TJP1: variants seen among roughly 807,000 people sequenced by gnomAD.
TJP1 encodes tight junction protein ZO-1.
A neutral mutation model predicts 194.2 loss-of-function variants in TJP1; 43 were observed. That is an observed-to-expected ratio of 0.22 (90% CI 0.17 to 0.29). TJP1 has a LOEUF of 0.29. Ranked by LOEUF, TJP1 falls within the 10% of genes least tolerant of loss-of-function variation. The probability of loss-of-function intolerance (pLI) is 1.00; values close to 1 mark genes in which losing one functional copy is unlikely to be tolerated. For synonymous variants in TJP1, 801 were observed against 779.0 expected (o/e 1.03, Z -0.47); for missense variants, 1,971 against 2,185.7 (o/e 0.90, Z 1.96).
chr15:29,730,611 G>T, intron 15 of TJP1: 2 of 551,128 alleles, frequency 3.6e-6, no homozygotes, highest in East Asian at 8.4e-5. Flanking sequence ...AAAAAAAAGA[G>T]GAGCAGTGTG....
chr15:29,728,277 T>C, intron 15 of TJP1: 2 of 357,002 alleles, frequency 5.6e-6, no homozygotes, highest in Non-Finnish European at 1.0e-5. Context: ...ATGCACATTT[T>C]TTTCTTTTGC....
chr15:29,949,459 T>TACC (rs2055478054), intron 2 of TJP1, among the ~76,000 whole-genome samples: 1 of 31,086 alleles, frequency 3.2e-5, no homozygotes, highest in African/African-American at 1.0e-4. Flanking sequence ...TCACCACCAC[T>TACC]TCCACCACCA....
intron 15 of TJP1, chr15:29,731,079 C>CCTTTTTTTTTT (rs1472574240): frequency 3.7e-6 from 2 of 545,176 alleles, no homozygotes. Context: ...TTTTGTTTTA[C>CCTTTTTTTTTT]TTTTTTTTTT....
chr15:29,897,603 C>T (rs545226492), intron 2 of TJP1, among the ~76,000 whole-genome samples: 14 of 152,182 alleles, frequency 9.2e-5, no homozygotes, highest in Non-Finnish European at 1.3e-4. Flanking sequence ...CTGGAAAAGC[C>T]GCAAACACCT....
intron 2 of TJP1, among the ~76,000 whole-genome samples, chr15:29,933,343 AAG>A (rs2054780899): frequency 6.6e-6 from 1 of 152,222 alleles, no homozygotes; most frequent in Admixed American, 6.5e-5. Context: ...GGAAGAAAAT[AAG>A]AGTGAGGACA....
chr15:29,889,205 A>G (rs917954856), intron 2 of TJP1, among the ~76,000 whole-genome samples: 5 of 152,224 alleles, frequency 3.3e-5, no homozygotes, highest in African/African-American at 1.2e-4. Context: ...TAATGTTCTT[A>G]TCATCTGTAA....
In TJP1 at chr15:29,961,334, CTTTTT is replaced by C. The variant is rs5811594; in HGVS notation, c.174-4975_174-4971del. On this transcript the variant is annotated intron_variant, in intron 1 of 28. Coordinates refer to the TJP1 transcript ENST00000356107. ...CAATGAGGTTTTACTTTTCCTAATT[CTTTTT>C]TTTTTTTTTTTTTTTTTTTTGAGAC... Among the ~76,000 whole-genome samples the C allele has an allele frequency of 2.0e-3, 182 of 89,812 alleles. No homozygotes were observed. The Middle Eastern group carries it at 0.039, about 19-fold the overall frequency. The allele number at this position is 89,812 out of a possible 152,430, so 58.9% of individuals were successfully genotyped here. A position where few individuals can be genotyped will look rare whatever the true frequency, so the allele number is the denominator to read the frequency against.
At chr15:29,704,024 A>G (rs2041729307) in intron 27 of TJP1, 138 bp downstream of exon 27, 3 of 835,002 alleles carry the variant, frequency 3.6e-6, no homozygotes, top group Non-Finnish European at 5.3e-6. Flanking sequence ...ATAAATGTGA[A>G]AACACTGGTG....
chr15:29,854,815 CTTA>C (rs1261529341), intron 2 of TJP1, among the ~76,000 whole-genome samples: 1 of 151,972 alleles, frequency 6.6e-6, no homozygotes, highest in Non-Finnish European at 1.5e-5. Context: ...AAAATACTAG[CTTA>C]TGTAACCATG....
chr15:29,796,905 G>A (rs1410623296), intron 2 of TJP1, among the ~76,000 whole-genome samples: 1 of 151,608 alleles, frequency 6.6e-6, no homozygotes, highest in Non-Finnish European at 1.5e-5. Context: ...CAATTAAACG[G>A]ACAAAGTATA....
chr15:29,729,822 C>CA (rs762817418), intron 15 of TJP1, among the ~76,000 whole-genome samples: 11,895 of 81,972 alleles, frequency 0.15, 540 homozygotes, highest in Middle Eastern at 0.28. Context: ...GACTCTGTTT[C>CA]AAAAAAAAAA....
chr15:29,821,919 G>C (rs968617130), intron 1 of TJP1, 83 bp downstream of exon 1: 23 of 1,155,342 alleles, frequency 2.0e-5, no homozygotes, highest in Non-Finnish European at 2.2e-5. Context: ...GCCAGCGAGG[G>C]AGGGCGGGAC....
At chr15:29,866,612 T>C (rs1399847965) in intron 2 of TJP1, among the ~76,000 whole-genome samples, 1 of 152,186 alleles carries the variant, frequency 6.6e-6, no homozygotes, top group Non-Finnish European at 1.5e-5. Context: ...CCTTACTGTA[T>C]ATTTATGCAG....
At chr15:29,743,266 A>G (rs896356207) in intron 8 of TJP1, among the ~76,000 whole-genome samples, 2 of 152,248 alleles carry the variant, frequency 1.3e-5, no homozygotes, top group African/African-American at 4.8e-5. Flanking sequence ...ACATAAAAAT[A>G]AAGTACGTGC....
downstream of TJP1, chr15:29,699,878 C>T (rs1173668601): frequency 5.6e-6 from 1 of 179,148 alleles, no homozygotes; most frequent in Non-Finnish European, 1.2e-5. Flanking sequence ...TTTCTCCACG[C>T]AGGGGTGTGT....
At chr15:29,715,530 C>A (rs2042510997) in intron 23 of TJP1, among the ~76,000 whole-genome samples, 1 of 152,182 alleles carries the variant, frequency 6.6e-6, no homozygotes, top group South Asian at 2.1e-4. Flanking sequence ...ACAAATAGGT[C>A]ATTTCCCAAG....
chr15:29,727,134 A>G, intron 16 of TJP1, 143 bp from the exon 17 acceptor site: 2 of 667,514 alleles, frequency 3.0e-6, no homozygotes, highest in Non-Finnish European at 5.1e-6. Context: ...ACTTGAGGCC[A>G]GGAGTTCCAG....
At chr15:29,764,075 C>T (rs2046181028) in intron 5 of TJP1, among the ~76,000 whole-genome samples, 1 of 152,050 alleles carries the variant, frequency 6.6e-6, no homozygotes, top group Non-Finnish European at 1.5e-5. Context: ...AGGTACCAGG[C>T]ATTAGGGAGA....
intron 15 of TJP1, chr15:29,730,700 C>G: frequency 1.3e-6 from 1 of 759,140 alleles, no homozygotes; most frequent in South Asian, 1.4e-5. Context: ...TACGTCCTGT[C>G]GCCACCGCCA....
Sources: allele counts gnomAD v4.1 joint callset (sites outside exome capture counted in the v4.1 genomes callset), GRCh38; gene constraint gnomAD v4.1.1; transcripts MANE v1.5; gene names NCBI Gene and HGNC (gene_info 2026-07-23, HGNC 2026-07-21).